The following DPYD variants were observed in gnomAD, a reference collection of about 807,000 sequenced individuals.
The protein encoded by DPYD is dihydropyrimidine dehydrogenase, also known as dihydropyrimidine dehydrogenase [NADP(+)].
DPYD carries 109 observed loss-of-function variants against 116.2 expected under a neutral mutation model. That is an observed-to-expected ratio of 0.94 (90% CI 0.80 to 1.10). The LOEUF (loss-of-function observed/expected upper bound fraction) is 1.10. Among genes scored for constraint, DPYD ranks in the 50% least tolerant of loss-of-function variants. DPYD has a pLI of 0.00. For missense variants in DPYD, 1,302 were observed against 1,254.5 expected (o/e 1.04, Z -0.57); for synonymous variants, 440 against 432.0 (o/e 1.02, Z -0.23).
chr1:97,485,884 T>C (rs568813283), intron 13 of DPYD, among the ~76,000 whole-genome samples: 2 of 152,330 alleles, frequency 1.3e-5, no homozygotes, highest in Admixed American at 6.5e-5. Flanking sequence ...TCTCCTGATA[T>C]GTTTGTCATT....
intron 1 of DPYD, among the ~76,000 whole-genome samples, chr1:97,892,598 T>C (rs185508974): frequency 3.7e-4 from 56 of 151,878 alleles, no homozygotes; most frequent in African/African-American, 1.3e-3. Context: ...TGGTAATCAG[T>C]CCTGGTCAAA....
intron 3 of DPYD, among the ~76,000 whole-genome samples, chr1:97,761,165 TTAGTTCATCAAGA>T (rs1665552456): frequency 6.6e-6 from 1 of 152,080 alleles, no homozygotes; most frequent in Non-Finnish European, 1.5e-5. Flanking sequence ...CACAGAGTTG[TTAGTTCATCAAGA>T]TAAAAACAAA....
intron 8 of DPYD, among the ~76,000 whole-genome samples, chr1:97,626,177 T>C (rs1247952241): frequency 6.6e-6 from 1 of 152,006 alleles, no homozygotes; most frequent in Non-Finnish European, 1.5e-5. Context: ...TTTCCCACGG[T>C]GCCAAGTCCA....
At chr1:97,340,375 T>C (rs1156615109) in intron 16 of DPYD, among the ~76,000 whole-genome samples, 2 of 151,842 alleles carry the variant, frequency 1.3e-5, no homozygotes, top group Non-Finnish European at 2.9e-5. Flanking sequence ...AGGGAAAAAG[T>C]GGGAAATGAT....
intron 4 of DPYD, among the ~76,000 whole-genome samples, chr1:97,735,161 G>A (rs1314015496): frequency 6.6e-6 from 1 of 152,046 alleles, no homozygotes; most frequent in Admixed American, 6.5e-5. Context: ...TAAATCCCTT[G>A]TAAAGAAACA....
At chr1:97,590,016 T>C (rs1654394157) in intron 10 of DPYD, among the ~76,000 whole-genome samples, 1 of 152,184 alleles carries the variant, frequency 6.6e-6, no homozygotes, top group Non-Finnish European at 1.5e-5. Flanking sequence ...GACCTAACCT[T>C]TCAAAACCTG....
chr1:97,323,438 G>A (rs374683039), intron 16 of DPYD, among the ~76,000 whole-genome samples: 45 of 89,590 alleles, frequency 5.0e-4, no homozygotes, highest in Non-Finnish European at 9.0e-4. Flanking sequence ...ATGTGTATAT[G>A]TACACGTATA....
intron 4 of DPYD, 132 bp from the exon 5 acceptor site, chr1:97,721,803 C>T: frequency 1.2e-6 from 1 of 811,156 alleles, no homozygotes. Context: ...GCATAGGTTT[C>T]AATACTACTA....
At chr1:97,411,743 T>G (rs1319773006) in intron 14 of DPYD, among the ~76,000 whole-genome samples, 1 of 152,188 alleles carries the variant, frequency 6.6e-6, no homozygotes, top group Non-Finnish European at 1.5e-5. Context: ...ATGTTTCTTC[T>G]CAGAAGCATG....
intron 8 of DPYD, among the ~76,000 whole-genome samples, chr1:97,650,182 G>C (rs1460860932): frequency 6.6e-6 from 1 of 152,028 alleles, no homozygotes. Context: ...TTCATTATGT[G>C]ATGTGTTGTA....
At chr1:97,838,119 A>C (rs897903026) in intron 2 of DPYD, among the ~76,000 whole-genome samples, 2 of 152,184 alleles carry the variant, frequency 1.3e-5, no homozygotes, top group African/African-American at 4.8e-5. Context: ...CCAGAAATAT[A>C]ATTTTTATGC....
At chr1:97,440,372 C>T (rs1372020506) in intron 14 of DPYD, among the ~76,000 whole-genome samples, 1 of 151,662 alleles carries the variant, frequency 6.6e-6, no homozygotes, top group Non-Finnish European at 1.5e-5. Flanking sequence ...TAACTCTTAT[C>T]ATCTATATAC....
chr1:97,440,972 G>A (rs1022986791), intron 14 of DPYD, among the ~76,000 whole-genome samples: 26 of 151,958 alleles, frequency 1.7e-4, no homozygotes, highest in South Asian at 2.1e-4. Flanking sequence ...GTTAATATTC[G>A]TCCTTTTCTT....
chr1:97,127,902 G>T (rs968946406), intron 20 of DPYD, among the ~76,000 whole-genome samples: 1 of 152,022 alleles, frequency 6.6e-6, no homozygotes, highest in African/African-American at 2.4e-5. Flanking sequence ...TCCACACACG[G>T]TTCCATGTAC....
At chr1:97,377,391 C>T (rs1176208547) in intron 15 of DPYD, among the ~76,000 whole-genome samples, 2 of 152,098 alleles carry the variant, frequency 1.3e-5, no homozygotes, top group African/African-American at 4.8e-5. Flanking sequence ...TATCTATCTA[C>T]CTATCAATCA....
intron 2 of DPYD, among the ~76,000 whole-genome samples, chr1:97,857,419 T>G (rs1173418261): frequency 6.6e-6 from 1 of 152,154 alleles, no homozygotes; most frequent in African/African-American, 2.4e-5. Flanking sequence ...ATTGGAACTT[T>G]GAGCCCCATC....
chr1:97,710,672 A>G lies in DPYD; in HGVS notation c.483+10838T>C, dbSNP rs145648107. ...ATTCTTTCATTCAATTTCCTTTTCA[A>G]TTTGGTAGGTATTGTTTAGGTACCT... On this transcript the variant is annotated intron_variant, in intron 5 of 22. Coordinates refer to ENST00000370192, the MANE Select transcript of DPYD (RefSeq NM_000110.4). Among the ~76,000 whole-genome samples the G allele has an allele frequency of 2.0e-3, 305 of 151,848 alleles. 1 individual carries two copies. The highest frequency in any genetic ancestry group is 3.2e-3 in the Non-Finnish European group (220 of 67,748).
At chr1:97,618,459 T>C (rs990544651) in intron 8 of DPYD, among the ~76,000 whole-genome samples, 3 of 150,682 alleles carry the variant, frequency 2.0e-5, no homozygotes, top group African/African-American at 7.3e-5. Context: ...CACTGCAACC[T>C]CCGCCTCCCG....
intron 3 of DPYD, among the ~76,000 whole-genome samples, chr1:97,816,766 T>C (rs1047959620): frequency 2.6e-5 from 4 of 152,164 alleles, no homozygotes; most frequent in African/African-American, 9.7e-5. Flanking sequence ...AGCTAGATTG[T>C]CTGTTTAATT....
Sources: allele counts gnomAD v4.1 joint callset (sites outside exome capture counted in the v4.1 genomes callset), GRCh38; gene constraint gnomAD v4.1.1; transcripts MANE v1.5; gene names NCBI Gene and HGNC (gene_info 2026-07-23, HGNC 2026-07-21).